Variants in TSHZ2 observed in about 807,000 individuals in gnomAD.
TSHZ2 encodes teashirt homolog 2.
A neutral mutation model predicts 74.4 loss-of-function variants in TSHZ2; 21 were observed. The ratio of observed to expected loss-of-function variants is 0.28; its 90% CI spans 0.20 to 0.41. The LOEUF is 0.41. Ranked by LOEUF, TSHZ2 falls within the 10% of genes least tolerant of loss-of-function variation. TSHZ2 has a pLI of 1.00. For synonymous variants in TSHZ2, 540 were observed against 515.3 expected, an observed-to-expected ratio of 1.05 and a Z score of -0.65; for missense variants, 1,244 against 1,293.5, an observed-to-expected ratio of 0.96 and a Z score of 0.59.
At chr20:53,050,152 TACAC>T (rs1555819341) in intron 1 of TSHZ2, among the ~76,000 whole-genome samples, 1 of 83,258 alleles carries the variant, frequency 1.2e-5, no homozygotes, top group East Asian at 6.5e-4. Context: ...TATATATATA[TACAC>T]ATATATATGT....
chr20:53,190,127 A>ATTTTTT (rs1568803475), intron 1 of TSHZ2, among the ~76,000 whole-genome samples: 1 of 90,640 alleles, frequency 1.1e-5, no homozygotes, highest in African/African-American at 5.0e-5. Context: ...ATATATATAT[A>ATTTTTT]TATATATATA....
chr20:53,394,978 C>T (rs1421565544), intron 2 of TSHZ2, among the ~76,000 whole-genome samples: 1 of 151,476 alleles, frequency 6.6e-6, no homozygotes, highest in African/African-American at 2.4e-5. Context: ...CATGTCTCTG[C>T]TCTTTCTTGG....
At chr20:53,079,733 C>G (rs1465929387) in intron 1 of TSHZ2, among the ~76,000 whole-genome samples, 1 of 152,206 alleles carries the variant, frequency 6.6e-6, no homozygotes, top group Non-Finnish European at 1.5e-5. Flanking sequence ...CTCTATCACA[C>G]TAGCCACTCT....
intron 1 of TSHZ2, among the ~76,000 whole-genome samples, chr20:53,010,212 C>A (rs1417142140): frequency 5.3e-5 from 8 of 152,156 alleles, no homozygotes; most frequent in African/African-American, 1.9e-4. Flanking sequence ...TAACTGGAAC[C>A]CTGGAGGATG....
intron 1 of TSHZ2, among the ~76,000 whole-genome samples, chr20:53,224,974 C>T (rs1223633262): frequency 6.6e-6 from 1 of 151,894 alleles, no homozygotes; most frequent in Non-Finnish European, 1.5e-5. Context: ...AGTCATCAAA[C>T]TTTTTCTGTA....
intron 2 of TSHZ2, among the ~76,000 whole-genome samples, chr20:53,346,450 G>T (rs1281456017): frequency 1.3e-5 from 2 of 152,300 alleles, no homozygotes; most frequent in East Asian, 1.9e-4. Context: ...CGGCTTGTCT[G>T]ACCTACTGAT....
chr20:53,283,155 T>A (rs762082218), intron 2 of TSHZ2, among the ~76,000 whole-genome samples: 4 of 152,134 alleles, frequency 2.6e-5, no homozygotes, highest in Non-Finnish European at 5.9e-5. Context: ...TGGGTCCCCA[T>A]GTTGTAGAAG....
chr20:53,102,453 A>C (rs77859165), intron 1 of TSHZ2, among the ~76,000 whole-genome samples: 85 of 146,212 alleles, frequency 5.8e-4, no homozygotes, highest in Admixed American at 8.2e-4. Context: ...AGGTGGGGGA[A>C]GAGAGGAGAG....
chr20:53,127,610 G>T (rs1026545961), intron 1 of TSHZ2, among the ~76,000 whole-genome samples: 1 of 152,174 alleles, frequency 6.6e-6, no homozygotes, highest in Non-Finnish European at 1.5e-5. Context: ...CTGAAACCTT[G>T]ATGACAATGA....
At chr20:53,237,521 GT>G (rs2123685886) in intron 1 of TSHZ2, among the ~76,000 whole-genome samples, 1 of 152,136 alleles carries the variant, frequency 6.6e-6, no homozygotes, top group Admixed American at 6.5e-5. Flanking sequence ...GTGTGTGTGT[GT>G]GTGTGCGCGT....
chr20:53,182,139 C>T (rs1201538175), intron 1 of TSHZ2, among the ~76,000 whole-genome samples: 1 of 149,788 alleles, frequency 6.7e-6, no homozygotes, highest in Non-Finnish European at 1.5e-5. Flanking sequence ...TCCCTCCCTT[C>T]TCTCCCTCCC....
chr20:53,212,809 A>G (rs1047975794), intron 1 of TSHZ2, among the ~76,000 whole-genome samples: 15 of 152,220 alleles, frequency 9.9e-5, no homozygotes, highest in African/African-American at 3.6e-4. Flanking sequence ...GGTGGTTCCC[A>G]GGAAATTCTG....
intron 2 of TSHZ2, among the ~76,000 whole-genome samples, chr20:53,480,691 AGCAGT>A (rs1171500688): frequency 6.6e-6 from 1 of 152,180 alleles, no homozygotes; most frequent in Non-Finnish European, 1.5e-5. Context: ...ACTAAATGCC[AGCAGT>A]GCCCCCTTTT....
chr20:53,212,235 T>C (rs1475422889), intron 1 of TSHZ2, among the ~76,000 whole-genome samples: 1 of 152,188 alleles, frequency 6.6e-6, no homozygotes, highest in Non-Finnish European at 1.5e-5. Context: ...TGCAATAATT[T>C]AAAGTGTTAC....
intron 2 of TSHZ2, among the ~76,000 whole-genome samples, chr20:53,315,889 A>G (rs1978985265): frequency 6.6e-6 from 1 of 152,152 alleles, no homozygotes; most frequent in African/African-American, 2.4e-5. Context: ...CTCCTAGAGG[A>G]CGTGATGTTT....
intron 2 of TSHZ2, among the ~76,000 whole-genome samples, chr20:53,455,730 T>C (rs1030229233): frequency 1.3e-5 from 2 of 148,752 alleles, no homozygotes; most frequent in Admixed American, 1.4e-4. Context: ...CCCACAACAG[T>C]CCCCAGAGTG....
chr20:53,440,051 T>C (rs995287544), intron 2 of TSHZ2, among the ~76,000 whole-genome samples: 1 of 151,648 alleles, frequency 6.6e-6, no homozygotes, highest in African/African-American at 2.4e-5. Flanking sequence ...TGCCATTACA[T>C]GAAATAATAG....
At chr20:53,325,406 T>C (rs551116277) in intron 2 of TSHZ2, among the ~76,000 whole-genome samples, 1 of 152,310 alleles carries the variant, frequency 6.6e-6, no homozygotes, top group East Asian at 1.9e-4. Flanking sequence ...TTGAGAGCCC[T>C]GGGGAAGAAG....
chr20:53,428,454 T>C (rs562364209), intron 2 of TSHZ2, among the ~76,000 whole-genome samples: 2 of 152,350 alleles, frequency 1.3e-5, no homozygotes, highest in South Asian at 4.1e-4. Flanking sequence ...GATGTATAAG[T>C]GGCTTCAGTT....
Sources: allele counts gnomAD v4.1 joint callset (sites outside exome capture counted in the v4.1 genomes callset), GRCh38; gene constraint gnomAD v4.1.1; transcripts MANE v1.5; gene names NCBI Gene and HGNC (gene_info 2026-07-23, HGNC 2026-07-21).